The following BTBD9 variants were observed in gnomAD, a reference collection of about 807,000 sequenced individuals.
The protein encoded by BTBD9 is BTB domain containing 9.
In BTBD9, 49 loss-of-function variants were observed where a neutral mutation model predicts 64.3. The observed-to-expected ratio is 0.76, with a 90% CI of 0.61 to 0.97. BTBD9 has a LOEUF of 0.97. Ranked by LOEUF, BTBD9 falls within the 50% of genes least tolerant of loss-of-function variation. BTBD9 has a pLI of 0.00. For missense variants in BTBD9, 598 were observed against 762.1 expected, an observed-to-expected ratio of 0.78 and a Z score of 2.53; for synonymous variants, 260 against 274.7, an observed-to-expected ratio of 0.95 and a Z score of 0.53.
intron 6 of BTBD9, among the ~76,000 whole-genome samples, chr6:38,409,151 G>T (rs149212377): frequency 1.4e-3 from 206 of 152,268 alleles, no homozygotes; most frequent in African/African-American, 4.6e-3. Flanking sequence ...TTGGGAGGCG[G>T]AGGCAGGAGA....
At chr6:38,290,995 G>C (rs907436618) in intron 7 of BTBD9, among the ~76,000 whole-genome samples, 11 of 152,148 alleles carry the variant, frequency 7.2e-5, no homozygotes, top group African/African-American at 2.4e-4. Flanking sequence ...AGGACATTTA[G>C]ATTGTTACCA....
chr6:38,495,781 A>G (rs1031226500), intron 6 of BTBD9, among the ~76,000 whole-genome samples: 2 of 151,266 alleles, frequency 1.3e-5, no homozygotes, highest in African/African-American at 4.9e-5. Flanking sequence ...GGGCGGGGGT[A>G]TAACAATGAA....
In BTBD9 at chr6:38,171,846, C is replaced by CAAAAAAAAAAAAAAAAAAAA. The variant is rs869155666; in HGVS notation, c.*3119_*3138dup. 1.8e-4 allele frequency: 14 copies of CAAAAAAAAAAAAAAAAAAAA among 79,212 alleles called. No individual in the cohort carries two copies. The highest frequency in any genetic ancestry group is 8.5e-4 in the East Asian group (1 of 1,174). The allele number at this position is 79,212 out of a possible 1,614,324, so 4.9% of individuals were successfully genotyped here. On this transcript the variant is annotated 3_prime_UTR_variant, in exon 11 of 11. Coordinates refer to ENST00000481247, the MANE Select transcript of BTBD9 (RefSeq NM_001099272.2). ...TCCAATGAAGTTGCCTTTCTACTCT[C>CAAAAAAAAAAAAAAAAAAAA]AAAAAAAAAAAAAAAAAAAAAAAAA... is the stretch of plus-strand genomic sequence containing the variant.
At chr6:38,506,991 C>T (rs1372952999) in intron 6 of BTBD9, among the ~76,000 whole-genome samples, 6 of 152,208 alleles carry the variant, frequency 3.9e-5, no homozygotes, top group African/African-American at 1.4e-4. Flanking sequence ...TAGAATAACC[C>T]AAGCTCTTTC....
chr6:38,436,279 T>C (rs1768732843), intron 6 of BTBD9, among the ~76,000 whole-genome samples: 1 of 151,886 alleles, frequency 6.6e-6, no homozygotes, highest in Non-Finnish European at 1.5e-5. Context: ...CACGCTACTT[T>C]CTATAAATAC....
intron 8 of BTBD9, among the ~76,000 whole-genome samples, chr6:38,266,774 A>G (rs904341849): frequency 2.0e-5 from 3 of 152,092 alleles, no homozygotes; most frequent in Non-Finnish European, 4.4e-5. Flanking sequence ...AAGCATTCTT[A>G]TATTTTGGAA....
chr6:38,339,837 T>C (rs1764033162), intron 7 of BTBD9, among the ~76,000 whole-genome samples: 1 of 152,218 alleles, frequency 6.6e-6, no homozygotes, highest in South Asian at 2.1e-4. Context: ...AACCTAATTG[T>C]ATACTGAAAT....
At chr6:38,573,189 T>G (rs1377097685) in intron 6 of BTBD9, among the ~76,000 whole-genome samples, 1 of 152,150 alleles carries the variant, frequency 6.6e-6, no homozygotes, top group African/African-American at 2.4e-5. Flanking sequence ...TTAAACAAAT[T>G]ATGTATTACA....
chr6:38,502,648 G>A (rs769490123), intron 6 of BTBD9, among the ~76,000 whole-genome samples: 3 of 152,138 alleles, frequency 2.0e-5, no homozygotes, highest in Non-Finnish European at 4.4e-5. Flanking sequence ...CATCTTCTGC[G>A]CAGGTCTTAC....
intron 6 of BTBD9, among the ~76,000 whole-genome samples, chr6:38,406,883 G>A (rs924671452): frequency 1.3e-5 from 2 of 152,112 alleles, no homozygotes; most frequent in African/African-American, 4.8e-5. Context: ...GACTATAAGC[G>A]AGTGCCACTA....
intron 6 of BTBD9, among the ~76,000 whole-genome samples, chr6:38,413,705 TAA>T (rs1188015381): frequency 6.6e-6 from 1 of 152,214 alleles, no homozygotes; most frequent in Admixed American, 6.5e-5. Context: ...ATGCTTTTTT[TAA>T]AGAGTAGTGT....
At chr6:38,265,406 A>T (rs1764936683) in intron 8 of BTBD9, among the ~76,000 whole-genome samples, 1 of 152,142 alleles carries the variant, frequency 6.6e-6, no homozygotes, top group Admixed American at 6.5e-5. Flanking sequence ...AAAGTGGAAA[A>T]ATATCAATGG....
At chr6:38,581,010 C>T (rs1776259195) in intron 4 of BTBD9, among the ~76,000 whole-genome samples, 1 of 152,090 alleles carries the variant, frequency 6.6e-6, no homozygotes, top group African/African-American at 2.4e-5. Context: ...CTGGGCAACA[C>T]AGTAAAACCC....
At chr6:38,622,267 T>C (rs145574685) in intron 1 of BTBD9, among the ~76,000 whole-genome samples, 274 of 152,350 alleles carry the variant, frequency 1.8e-3, no homozygotes, top group African/African-American at 6.2e-3. Flanking sequence ...ACTTCTCCCA[T>C]ATGCCTAAGT....
chr6:38,525,544 A>C (rs1312109211), intron 6 of BTBD9, among the ~76,000 whole-genome samples: 3 of 152,246 alleles, frequency 2.0e-5, no homozygotes, highest in Non-Finnish European at 4.4e-5. Flanking sequence ...AGGGCTCAGA[A>C]GAAGACAGGA....
intron 6 of BTBD9, among the ~76,000 whole-genome samples, chr6:38,548,299 C>T (rs560203577): frequency 6.6e-6 from 1 of 152,300 alleles, no homozygotes; most frequent in Non-Finnish European, 1.5e-5. Flanking sequence ...TTCATTTACA[C>T]ACTTATCTGT....
Position 38,178,023 on chromosome 6 carries a change from C to T in BTBD9, c.1642-2841G>A, listed in dbSNP as rs571995700. On this transcript the variant is annotated intron_variant, in intron 10 of 10. Coordinates refer to ENST00000481247, the MANE Select transcript of BTBD9 (RefSeq NM_001099272.2). ...GGCCGTAACTGCCTGACTGAGCTCC[C>T]TGTGGCTCTGCAAGGAACTGGGGCC... Among the ~76,000 whole-genome samples the T allele has an allele frequency of 4.6e-5, 7 of 152,356 alleles. No homozygotes were observed. In the East Asian group the frequency reaches 1.4e-3, roughly 29 times the overall value.
chr6:38,416,698 T>C (rs936907056), intron 6 of BTBD9, among the ~76,000 whole-genome samples: 4 of 151,966 alleles, frequency 2.6e-5, no homozygotes, highest in South Asian at 2.1e-4. Context: ...ACACTTACCT[T>C]ATTCACATCT....
chr6:38,270,700 G>T (rs541955288), intron 8 of BTBD9, among the ~76,000 whole-genome samples: 191 of 152,292 alleles, frequency 1.3e-3, no homozygotes, highest in African/African-American at 4.4e-3. Context: ...AAAAGGAAGA[G>T]GTAGCATGAG....
Sources: gnomAD v4.1 joint callset for allele counts (sites outside exome capture counted in the v4.1 genomes callset) on GRCh38, gnomAD v4.1.1 for gene constraint, MANE v1.5 for transcripts, NCBI Gene and HGNC (gene_info 2026-07-23, HGNC 2026-07-21) for gene names.